ATF6: variants seen among roughly 807,000 people sequenced by gnomAD.
ATF6 encodes the protein cyclic AMP-dependent transcription factor ATF-6 alpha.
A neutral mutation model predicts 83.6 loss-of-function variants in ATF6; 53 were observed. The observed-to-expected ratio is 0.63, with a 90% confidence interval of 0.51 to 0.80. ATF6 has a LOEUF of 0.80. ATF6 is among the 30% of genes least tolerant of loss of function. The probability of loss-of-function intolerance (pLI) is 0.00; values close to 1 mark genes in which losing one functional copy is unlikely to be tolerated. For missense variants in ATF6, 744 were observed against 797.9 expected (o/e 0.93, Z 0.81); for synonymous variants, 288 against 285.8 (o/e 1.01, Z -0.08).
chr1:161,826,252 A>G (rs1427096621), intron 9 of ATF6, among the ~76,000 whole-genome samples: 1 of 152,178 alleles, frequency 6.6e-6, no homozygotes, highest in Admixed American at 6.5e-5. Context: ...TCATGAATCA[A>G]TAGAATTTTA....
chr1:161,797,499 G>C (rs978149049), intron 6 of ATF6, among the ~76,000 whole-genome samples: 7 of 152,134 alleles, frequency 4.6e-5, no homozygotes, highest in African/African-American at 1.7e-4. Flanking sequence ...ATGTACAAAA[G>C]TCAGCAGCAT....
chr1:161,960,643 C>T lies in ATF6; in HGVS notation c.*1989C>T, dbSNP rs940583893. On this transcript the variant is annotated 3_prime_UTR_variant, in exon 16 of 16. Transcript: ENST00000367942. Reference sequence around the variant, plus strand: ...TTGAAAAGTGCTAATTAACCTTCCTCTTTTTCCACATTACAAACCTTTTTA... The same window carrying T: ...TTGAAAAGTGCTAATTAACCTTCCTTTTTTTCCACATTACAAACCTTTTTA... 3 of 152,232 alleles carry T rather than the reference C, an allele frequency of 2.0e-5. No individual in the cohort carries two copies. Among genetic ancestry groups the T allele is most frequent in the African/African-American group, 2.4e-5 (1 of 41,468 alleles). The allele number at this position is 152,232 out of a possible 1,614,324, so 9.4% of individuals were successfully genotyped here.
intron 15 of ATF6, among the ~76,000 whole-genome samples, chr1:161,951,347 A>G (rs1238540744): frequency 1.3e-5 from 2 of 152,268 alleles, no homozygotes; most frequent in East Asian, 3.8e-4. Context: ...CATTTCTGGA[A>G]CTATTCTGCG....
intron 13 of ATF6, among the ~76,000 whole-genome samples, chr1:161,862,379 T>A (rs1422123862): frequency 6.6e-6 from 1 of 152,184 alleles, no homozygotes; most frequent in Non-Finnish European, 1.5e-5. Flanking sequence ...TTTTACAGGA[T>A]CCCTTTAACT....
At chr1:161,894,521 C>CTTTTTTTTTTTTTTTTT (rs71093131) in intron 14 of ATF6, among the ~76,000 whole-genome samples, 1 of 44,866 alleles carries the variant, frequency 2.2e-5, no homozygotes, top group African/African-American at 6.6e-5. Flanking sequence ...GTTTTGTAGT[C>CTTTTTTTTTTTTTTTTT]TTTTTTTTTT....
chr1:161,867,557 A>G (rs188075288), intron 14 of ATF6, among the ~76,000 whole-genome samples: 19 of 152,312 alleles, frequency 1.2e-4, no homozygotes, highest in African/African-American at 4.6e-4. Flanking sequence ...TATATAAGGA[A>G]AGAATTTCTT....
chr1:161,800,665 C>T (rs1239486137), intron 6 of ATF6, among the ~76,000 whole-genome samples: 1 of 152,174 alleles, frequency 6.6e-6, no homozygotes, highest in Non-Finnish European at 1.5e-5. Flanking sequence ...TGGCAGCTTT[C>T]AGTCTCTGCC....
intron 14 of ATF6, among the ~76,000 whole-genome samples, chr1:161,872,292 C>G (rs1433751403): frequency 6.6e-6 from 1 of 151,642 alleles, no homozygotes; most frequent in Non-Finnish European, 1.5e-5. Context: ...AAGTCTGGCT[C>G]TATGTTCTTG....
At chr1:161,772,036 T>G (rs942680341) in intron 1 of ATF6, among the ~76,000 whole-genome samples, 1 of 152,246 alleles carries the variant, frequency 6.6e-6, no homozygotes, top group Non-Finnish European at 1.5e-5. Context: ...TCTGACTGCC[T>G]TCGCCTGTTT....
At chr1:161,927,149 G>A (rs890865925) in intron 15 of ATF6, among the ~76,000 whole-genome samples, 3 of 151,906 alleles carry the variant, frequency 2.0e-5, no homozygotes, top group African/African-American at 7.3e-5. Flanking sequence ...AAACTTAGGG[G>A]AGTTTAACAC....
chr1:161,875,224 T>C (rs1416886316), intron 14 of ATF6, among the ~76,000 whole-genome samples: 1 of 151,730 alleles, frequency 6.6e-6, no homozygotes, highest in Non-Finnish European at 1.5e-5. Context: ...TTTCAGATAA[T>C]TGTGGGTATT....
intron 14 of ATF6, among the ~76,000 whole-genome samples, chr1:161,869,228 A>G (rs1005426804): frequency 6.6e-6 from 1 of 152,040 alleles, no homozygotes; most frequent in Non-Finnish European, 1.5e-5. Context: ...GAAGAATGGC[A>G]TATTTTCTTA....
intron 14 of ATF6, among the ~76,000 whole-genome samples, chr1:161,868,585 G>A (rs968091461): frequency 6.6e-6 from 1 of 151,618 alleles, no homozygotes; most frequent in Non-Finnish European, 1.5e-5. Context: ...GAACAGAATG[G>A]TTTTAGACAT....
intron 6 of ATF6, among the ~76,000 whole-genome samples, chr1:161,793,276 T>G (rs998878375): frequency 3.3e-5 from 5 of 152,198 alleles, no homozygotes; most frequent in African/African-American, 1.2e-4. Flanking sequence ...AAGACCTAGA[T>G]GAGAGAATGG....
intron 9 of ATF6, among the ~76,000 whole-genome samples, chr1:161,822,029 C>T (rs190870383): frequency 1.2e-4 from 18 of 152,028 alleles, no homozygotes; most frequent in Admixed American, 3.3e-4. Context: ...CTTGAGGGAC[C>T]GAATGGTGGT....
At chr1:161,912,566 A>G (rs1309111231) in intron 15 of ATF6, among the ~76,000 whole-genome samples, 186 bp downstream of exon 15, 1 of 152,218 alleles carries the variant, frequency 6.6e-6, no homozygotes, top group East Asian at 1.9e-4. Flanking sequence ...AAATTACTAC[A>G]TCCCTAAAAG....
intron 9 of ATF6, among the ~76,000 whole-genome samples, chr1:161,821,522 C>A (rs1685762572): frequency 6.6e-6 from 1 of 152,140 alleles, no homozygotes; most frequent in Non-Finnish European, 1.5e-5. Context: ...GAACATTGAA[C>A]TGTAATATCA....
chr1:161,788,266 G>T (rs1427605530), intron 4 of ATF6, among the ~76,000 whole-genome samples: 6 of 152,046 alleles, frequency 3.9e-5, no homozygotes, highest in Non-Finnish European at 1.5e-5. Flanking sequence ...GTGTTTTTTT[G>T]TTGTTTGCTT....
chr1:161,923,732 A>T (rs1688258683), intron 15 of ATF6, among the ~76,000 whole-genome samples: 1 of 152,224 alleles, frequency 6.6e-6, no homozygotes, highest in Admixed American at 6.5e-5. Flanking sequence ...CCAGAGGTTT[A>T]GATTCAATCA....
Sources: gnomAD v4.1 joint callset for allele counts (sites outside exome capture counted in the v4.1 genomes callset) on GRCh38, gnomAD v4.1.1 for gene constraint, MANE v1.5 for transcripts, NCBI Gene and HGNC (gene_info 2026-07-23, HGNC 2026-07-21) for gene names.